The following YPEL2 variants were observed in gnomAD, a reference collection of about 807,000 sequenced individuals.
YPEL2 encodes the protein yippee like 2.
In YPEL2, 2 loss-of-function variants were observed where a neutral mutation model predicts 19.1. The observed-to-expected ratio is 0.10, with a 90% confidence interval of 0.04 to 0.33. YPEL2 has a LOEUF of 0.33. YPEL2 is among the 10% of genes least tolerant of loss of function. The pLI, the probability that YPEL2 is intolerant of heterozygous loss-of-function variation, is 1.00. For synonymous variants in YPEL2, 52 were observed against 50.0 expected, an observed-to-expected ratio of 1.04 and a Z score of -0.17; for missense variants, 66 against 140.7, an observed-to-expected ratio of 0.47 and a Z score of 2.68.
intron 1 of YPEL2, among the ~76,000 whole-genome samples, chr17:59,340,872 G>A (rs1313236651): frequency 2.7e-5 from 4 of 150,748 alleles, no homozygotes; most frequent in African/African-American, 9.7e-5. Context: ...GTGCCACCAC[G>A]CCTGGCTAAT....
At chr17:59,340,397 C>T (rs1219086446) in intron 1 of YPEL2, among the ~76,000 whole-genome samples, 2 of 151,896 alleles carry the variant, frequency 1.3e-5, no homozygotes, top group Non-Finnish European at 2.9e-5. Context: ...GCGTGAGCCA[C>T]CGTGCCCAGC....
intron 4 of YPEL2, among the ~76,000 whole-genome samples, chr17:59,395,922 C>CA (rs1338543062): frequency 1.3e-5 from 2 of 151,796 alleles, no homozygotes; most frequent in East Asian, 1.9e-4. Context: ...ACTGAAAATA[C>CA]AAAAAAAATT....
At chr17:59,397,066 G>A (rs112235052) in intron 4 of YPEL2, 35 bp from the exon 5 acceptor site, 125 of 1,521,788 alleles carry the variant, frequency 8.2e-5, no homozygotes, top group South Asian at 3.0e-4. Context: ...GTCTTTGGTC[G>A]TTCAGTATCT....
At position 59,353,596 on chromosome 17, in the gene YPEL2, G is replaced by C; in HGVS notation, c.117+70G>C. Reference sequence around the variant, plus strand: ...GCTTAGTGCTCCTGAAGTTGCAGAGGTTTACAAGCTCTCAAGAATATTTGT... The same window carrying C: ...GCTTAGTGCTCCTGAAGTTGCAGAGCTTTACAAGCTCTCAAGAATATTTGT... On this transcript the variant is annotated intron_variant, in intron 2 of 4. Transcript: ENST00000312655. The surrounding 1 kb of genome is among the most constrained non-coding windows in gnomAD (Gnocchi z 4.8). The C allele has an allele frequency of 3.5e-6, 4 of 1,138,112 alleles. No homozygotes were observed. Among genetic ancestry groups the C allele is most frequent in the Non-Finnish European group, 5.3e-6 (4 of 748,436 alleles). The allele number at this position is 1,138,112 out of a possible 1,614,324, so 70.5% of individuals were successfully genotyped here. A position where few individuals can be genotyped will look rare whatever the true frequency, so the allele number is the denominator to read the frequency against.
chr17:59,394,071 C>T (rs2048023417), intron 4 of YPEL2, among the ~76,000 whole-genome samples: 1 of 152,210 alleles, frequency 6.6e-6, no homozygotes, highest in African/African-American at 2.4e-5. Flanking sequence ...AGGGGCTTCT[C>T]ACTTCCCAGT....
intron 2 of YPEL2, among the ~76,000 whole-genome samples, chr17:59,359,605 GC>G (rs2047830032): frequency 6.6e-6 from 1 of 152,092 alleles, no homozygotes; most frequent in Non-Finnish European, 1.5e-5. Flanking sequence ...GGTATTTTTA[GC>G]CCTAATTTTG....
At chr17:59,380,766 T>A (rs1468611374) in intron 2 of YPEL2, among the ~76,000 whole-genome samples, 14 of 152,038 alleles carry the variant, frequency 9.2e-5, no homozygotes. Context: ...TGTGTATGAG[T>A]GGTAAATTGG....
chr17:59,382,935 G>A (rs1298009531), intron 2 of YPEL2, among the ~76,000 whole-genome samples: 1 of 152,114 alleles, frequency 6.6e-6, no homozygotes. Flanking sequence ...GAGCCATCAC[G>A]CCTAGCACTG....
At chr17:59,349,689 TCTCG>T (rs2047777877) in intron 1 of YPEL2, among the ~76,000 whole-genome samples, 1 of 151,988 alleles carries the variant, frequency 6.6e-6, no homozygotes, top group South Asian at 2.1e-4. Flanking sequence ...TGAGACAGAA[TCTCG>T]CACTGTCACC....
intron 2 of YPEL2, chr17:59,363,315 T>C: frequency 6.4e-6 from 1 of 155,272 alleles, no homozygotes; most frequent in Non-Finnish European, 1.4e-5. Context: ...TTTTTTCTTT[T>C]TTTTTTTTTT....
In YPEL2 at chr17:59,348,557, G is replaced by A. The variant is rs951889397; in HGVS notation, c.-195-4658G>A. Among the ~76,000 whole-genome samples, 5 of 152,320 alleles carry A rather than the reference G, an allele frequency of 3.3e-5. 1 individual carries two copies. Among genetic ancestry groups the A allele is most frequent in the East Asian group, 1.9e-4 (1 of 5,192 alleles). On this transcript the variant is annotated intron_variant, in intron 1 of 4. Coordinates refer to ENST00000312655, the MANE Select transcript of YPEL2 (RefSeq NM_001005404.4). Reference sequence around the variant, plus strand: ...CATTTGTCTCTCGAGGTGGTGTATCGAAGATCTTTGTTTTTAATCATAATA... The same window carrying A: ...CATTTGTCTCTCGAGGTGGTGTATCAAAGATCTTTGTTTTTAATCATAATA...
chr17:59,342,855 G>A (rs2047738499), intron 1 of YPEL2, among the ~76,000 whole-genome samples: 1 of 152,174 alleles, frequency 6.6e-6, no homozygotes, highest in African/African-American at 2.4e-5. Context: ...TGGGGGTTTT[G>A]TGGGGACCAC....
chr17:59,389,941 C>G (rs2047999383), intron 4 of YPEL2, among the ~76,000 whole-genome samples: 1 of 152,060 alleles, frequency 6.6e-6, no homozygotes, highest in African/African-American at 2.4e-5. Flanking sequence ...AAGGACGTGA[C>G]CATGTAGTAG....
At chr17:59,348,948 A>T (rs955945008) in intron 1 of YPEL2, among the ~76,000 whole-genome samples, 2 of 152,122 alleles carry the variant, frequency 1.3e-5, no homozygotes, top group Admixed American at 6.5e-5. Context: ...GCACTTTGGG[A>T]GGCCGAGGTG....
At chr17:59,388,078 G>C (rs1211066232) in intron 2 of YPEL2, among the ~76,000 whole-genome samples, 1 of 152,212 alleles carries the variant, frequency 6.6e-6, no homozygotes, top group East Asian at 1.9e-4. Context: ...TAGTGGTTTT[G>C]GGTTTTTTTC....
chr17:59,353,539 A>G lies in YPEL2; in HGVS notation c.117+13A>G, dbSNP rs374135552. Reference sequence around the variant, plus strand: ...ACTAATTTCCAAGGTACACATTTCCAGCAGGCCTTCCTTGCCTACCCCGGG... The same window carrying G: ...ACTAATTTCCAAGGTACACATTTCCGGCAGGCCTTCCTTGCCTACCCCGGG... On this transcript the variant is annotated intron_variant, in intron 2 of 4. Coordinates refer to ENST00000312655, the MANE Select transcript of YPEL2 (RefSeq NM_001005404.4). This position sits in a 1 kb window ranked among gnomAD's most constrained non-coding sequence, Gnocchi z 4.8. The G allele has an allele frequency of 1.9e-5, 30 of 1,606,544 alleles. No individual in the cohort carries two copies. The highest frequency in any genetic ancestry group is 2.5e-5 in the Non-Finnish European group (29 of 1,173,236).
At position 59,394,091 on chromosome 17, in the gene YPEL2, C is replaced by T. The variant is rs540004637; in HGVS notation, c.271-3010C>T. On this transcript the variant is annotated intron_variant, in intron 4 of 4. Coordinates refer to ENST00000312655, the MANE Select transcript of YPEL2 (RefSeq NM_001005404.4). ...CTTCTCACTTCCCAGTAGGGGCGGC[C>T]GGGCAGAGGAGCCCCTCACCTCCCG... is the stretch of plus-strand genomic sequence containing the variant. Among the ~76,000 whole-genome samples, 949 of 150,790 alleles carry T rather than the reference C, an allele frequency of 6.3e-3. 2 individuals are homozygous for T. The highest frequency in any genetic ancestry group is 9.4e-3 in the Non-Finnish European group (632 of 67,572).
In YPEL2 at chr17:59,354,421, T is replaced by G. The variant is rs1347250787; in HGVS notation, c.117+895T>G. ...ACGCAGACCGAGACGAAGTTTTTTG[T>G]TTTGTTTTTAAATGTGTTCCTCATC... On this transcript the variant is annotated intron_variant, in intron 2 of 4. Transcript: ENST00000312655. 3 of 152,246 alleles carry G rather than the reference T, an allele frequency of 2.0e-5. No homozygotes were observed. The South Asian group carries it at 6.2e-4, about 32-fold the overall frequency. 9.4% of individuals were successfully genotyped at this position (152,246 alleles called of 1,614,324 possible).
intron 2 of YPEL2, among the ~76,000 whole-genome samples, chr17:59,364,086 A>T (rs924950797): frequency 1.3e-5 from 2 of 152,072 alleles, no homozygotes; most frequent in Non-Finnish European, 2.9e-5. Context: ...CTGTGTTGTT[A>T]TGGTTGCGTG....
Sources: allele counts gnomAD v4.1 joint callset (sites outside exome capture counted in the v4.1 genomes callset), GRCh38; gene constraint gnomAD v4.1.1; non-coding constraint Gnocchi (gnomAD v3.1); transcripts MANE v1.5; gene names NCBI Gene and HGNC (gene_info 2026-07-23, HGNC 2026-07-21).